Variants in TBC1D2B observed in about 807,000 individuals in gnomAD.
TBC1D2B encodes TBC1 domain family, member 2B.
A neutral mutation model predicts 100.8 loss-of-function variants in TBC1D2B; 64 were observed. That is an observed-to-expected ratio of 0.64 (90% CI 0.52 to 0.78). TBC1D2B has a LOEUF of 0.78. Ranked by LOEUF, TBC1D2B falls within the 30% of genes least tolerant of loss-of-function variation. TBC1D2B has a pLI of 0.00. For synonymous variants in TBC1D2B, 480 were observed against 479.7 expected (o/e 1.00, Z -0.01); for missense variants, 1,052 against 1,218.4 (o/e 0.86, Z 2.03).
At position 78,077,686 on chromosome 15, in the gene TBC1D2B, C is replaced by T. The variant is rs1173074540; in HGVS notation, c.-34G>A. On this transcript the variant is annotated 5_prime_UTR_variant, in exon 1 of 13. Transcript: ENST00000300584. ...CGCGCCAACCGTAGGCGCCCGCGCC[C>T]TGCGCCTCCGCGCCGCGGCCGCTGC... The T allele has an allele frequency of 1.7e-5, 17 of 986,194 alleles. No homozygotes were observed. The highest frequency in any genetic ancestry group is 1.9e-5 in the Non-Finnish European group (16 of 831,092). 61.1% of individuals were successfully genotyped at this position (986,194 alleles called of 1,614,324 possible).
At chr15:78,005,498 C>T (rs947221143) in intron 10 of TBC1D2B, among the ~76,000 whole-genome samples, 1 of 152,202 alleles carries the variant, frequency 6.6e-6, no homozygotes, top group Non-Finnish European at 1.5e-5. Context: ...TAAGAGCCAC[C>T]TTACGCAATG....
intron 6 of TBC1D2B, among the ~76,000 whole-genome samples, chr15:78,022,662 A>T (rs954225067): frequency 6.6e-6 from 1 of 151,216 alleles, no homozygotes; most frequent in African/African-American, 2.4e-5. Flanking sequence ...CAATCCTCCC[A>T]CTTCAGCCTC....
intron 1 of TBC1D2B, among the ~76,000 whole-genome samples, chr15:78,075,629 T>C (rs2073816945): frequency 6.6e-6 from 1 of 152,224 alleles, no homozygotes; most frequent in South Asian, 2.1e-4. Context: ...GAAGAGCCTC[T>C]GCCTTTGGCA....
At chr15:78,041,497 A>C (rs1596321760) in intron 3 of TBC1D2B, among the ~76,000 whole-genome samples, 1 of 152,370 alleles carries the variant, frequency 6.6e-6, no homozygotes, top group East Asian at 1.9e-4. Context: ...AACTATACTG[A>C]TAAATAGAAT....
intron 1 of TBC1D2B, among the ~76,000 whole-genome samples, chr15:78,070,311 C>T (rs375066766): frequency 6.6e-6 from 1 of 152,032 alleles, no homozygotes; most frequent in Non-Finnish European, 1.5e-5. Context: ...AATGTCGCTT[C>T]TTCAGGAAAG....
At chr15:78,062,628 C>T (rs1039487272) in intron 1 of TBC1D2B, among the ~76,000 whole-genome samples, 2 of 152,186 alleles carry the variant, frequency 1.3e-5, no homozygotes, top group African/African-American at 4.8e-5. Context: ...CATCTTTCTA[C>T]CCATAAATGT....
At chr15:78,047,492 A>C (rs2073222235) in intron 2 of TBC1D2B, among the ~76,000 whole-genome samples, 1 of 152,182 alleles carries the variant, frequency 6.6e-6, no homozygotes, top group Non-Finnish European at 1.5e-5. Context: ...TTAGGGTTCC[A>C]GGAGATGCCT....
At chr15:78,059,125 G>T (rs1165530823) in intron 1 of TBC1D2B, among the ~76,000 whole-genome samples, 3 of 152,194 alleles carry the variant, frequency 2.0e-5, no homozygotes, top group Non-Finnish European at 2.9e-5. Context: ...CCTGATCTGG[G>T]TGTACATTTT....
intron 2 of TBC1D2B, among the ~76,000 whole-genome samples, chr15:78,047,163 CTTTTTT>C (rs540479850): frequency 7.3e-6 from 1 of 136,930 alleles, no homozygotes; most frequent in Non-Finnish European, 1.6e-5. Flanking sequence ...AGAGTATACA[CTTTTTT>C]TTTTTTTTTT....
At chr15:78,000,166 C>T (rs2071872065) in intron 12 of TBC1D2B, among the ~76,000 whole-genome samples, 1 of 152,218 alleles carries the variant, frequency 6.6e-6, no homozygotes, top group African/African-American at 2.4e-5. Context: ...GTTGGTGTGG[C>T]GACCCTGCTT....
intron 10 of TBC1D2B, among the ~76,000 whole-genome samples, chr15:78,008,693 C>T (rs1173905533): frequency 6.6e-6 from 1 of 152,228 alleles, no homozygotes; most frequent in Non-Finnish European, 1.5e-5. Context: ...GATTATGACT[C>T]AGCCCACTGG....
At chr15:78,011,098 G>A (rs930621036) in intron 9 of TBC1D2B, among the ~76,000 whole-genome samples, 1 of 152,122 alleles carries the variant, frequency 6.6e-6, no homozygotes, top group African/African-American at 2.4e-5. Flanking sequence ...TATTAGGCAG[G>A]ATCCTACTTA....
intron 3 of TBC1D2B, among the ~76,000 whole-genome samples, chr15:78,036,101 C>T (rs2072939975): frequency 1.3e-5 from 2 of 152,212 alleles, no homozygotes; most frequent in African/African-American, 2.4e-5. Flanking sequence ...GGATACTGTA[C>T]AATCCCTCTA....
At chr15:78,076,104 G>C (rs2141855503) in intron 1 of TBC1D2B, among the ~76,000 whole-genome samples, 1 of 152,220 alleles carries the variant, frequency 6.6e-6, no homozygotes, top group South Asian at 2.1e-4. Context: ...CCTGGGCCCA[G>C]ATCCCTCCAG....
At chr15:78,058,570 T>G (rs1246246665) in intron 1 of TBC1D2B, among the ~76,000 whole-genome samples, 1 of 152,202 alleles carries the variant, frequency 6.6e-6, no homozygotes, top group Admixed American at 6.5e-5. Context: ...AACGCCTTGC[T>G]AGGTCTATCA....
intron 8 of TBC1D2B, 38 bp downstream of exon 8, chr15:78,016,508 T>C: frequency 6.3e-7 from 1 of 1,592,170 alleles, no homozygotes. Context: ...ACTTCAGAAA[T>C]GGGGTGCACT....
chr15:78,067,145 G>A (rs771048938), intron 1 of TBC1D2B, among the ~76,000 whole-genome samples: 66 of 152,234 alleles, frequency 4.3e-4, no homozygotes, highest in Non-Finnish European at 6.8e-4. Context: ...TGTGTTTGGA[G>A]AAGGAGAAGG....
intron 8 of TBC1D2B, among the ~76,000 whole-genome samples, chr15:78,014,919 AGGCTGGGTGC>A (rs1454202294): frequency 1.3e-5 from 2 of 152,178 alleles, no homozygotes; most frequent in African/African-American, 4.8e-5. Flanking sequence ...ATTCCAGAAA[AGGCTGGGTGC>A]GGTGGCTGAC....
chr15:78,047,982 T>C (rs893163874), intron 2 of TBC1D2B, among the ~76,000 whole-genome samples: 11 of 152,238 alleles, frequency 7.2e-5, no homozygotes, highest in Non-Finnish European at 1.5e-5. Context: ...TGTTACAGGC[T>C]GAGTCCAGCC....
Sources: allele counts gnomAD v4.1 joint callset (sites outside exome capture counted in the v4.1 genomes callset), GRCh38; gene constraint gnomAD v4.1.1; transcripts MANE v1.5; gene names NCBI Gene and HGNC (gene_info 2026-07-23, HGNC 2026-07-21).